SDHB: variants seen among roughly 807,000 people sequenced by gnomAD.
The protein encoded by SDHB is succinate dehydrogenase [ubiquinone] iron-sulfur subunit, mitochondrial.
Under a neutral mutation model 39.7 loss-of-function variants are expected in SDHB, and 21 were observed. The ratio of observed to expected loss-of-function variants is 0.53; its 90% CI spans 0.37 to 0.76. The LOEUF is 0.76. Ranked by LOEUF, SDHB falls within the 30% of genes least tolerant of loss-of-function variation. SDHB has a pLI of 0.00. For missense variants in SDHB, 343 were observed against 350.9 expected, an observed-to-expected ratio of 0.98 and a Z score of 0.18; for synonymous variants, 118 against 117.0, an observed-to-expected ratio of 1.01 and a Z score of -0.06.
At position 17,027,839 on chromosome 1, in the gene SDHB, G is replaced by A; in HGVS notation, c.450C>T (p.Tyr150=). ...TCTTCAAATAAGGCTCAATGGATTT[G>A]TACTGTGCATAGAAGTTGCTCAAAT... ...VPDLSNFYAQ[Y]KSIEPYLKKK... Residue 150 remains tyrosine, a synonymous_variant, in exon 5 of 8, where the codon TAC becomes TAT. Coordinates refer to ENST00000375499, the MANE Select transcript of SDHB (RefSeq NM_003000.3). The A allele has an allele frequency of 6.2e-7, 1 of 1,611,552 alleles. No individual in the cohort carries two copies. The highest frequency in any genetic ancestry group is 1.1e-5 in the South Asian group (1 of 91,030).
At chr1:17,023,451 G>A (rs1229003632) in intron 6 of SDHB, among the ~76,000 whole-genome samples, 3 of 152,226 alleles carry the variant, frequency 2.0e-5, no homozygotes, top group Non-Finnish European at 4.4e-5. Context: ...TAGAGTCTGT[G>A]AAAAGCACGT....
intron 1 of SDHB, among the ~76,000 whole-genome samples, chr1:17,050,417 G>C (rs1358883426): frequency 6.6e-6 from 1 of 152,070 alleles, no homozygotes; most frequent in Non-Finnish European, 1.5e-5. Context: ...GGGAGGCCGA[G>C]GCAGGTGGAT....
intron 6 of SDHB, 41 bp from the exon 7 acceptor site, chr1:17,022,771 G>A (rs2101514130): frequency 6.3e-7 from 1 of 1,598,334 alleles, no homozygotes; most frequent in Non-Finnish European, 8.5e-7. Flanking sequence ...CCAATCAACA[G>A]GCCAGAGCGG....
Position 17,028,725 on chromosome 1 carries a change from AG to A in SDHB, c.297del (p.Ser100LeufsTer4). 2 of 1,614,078 alleles carry A rather than the reference AG, an allele frequency of 1.2e-6. No individual in the cohort carries two copies. Among genetic ancestry groups the A allele is most frequent in the Non-Finnish European group, 1.7e-6 (2 of 1,180,030 alleles). ...FRRSCREGIC[G>X]SCAMNINGGN... ...CCTCCATTGATGTTCATTGCACAAG[AG>A]CCACAGATGCCTGAAAGAGACACAC... On this transcript the variant is annotated frameshift_variant, in exon 4 of 8. Coordinates refer to ENST00000375499, the MANE Select transcript of SDHB (RefSeq NM_003000.3). LOFTEE classifies it high-confidence loss of function.
chr1:17,051,700 G>A (rs1270341307), intron 1 of SDHB, among the ~76,000 whole-genome samples: 3 of 150,762 alleles, frequency 2.0e-5, no homozygotes, highest in East Asian at 2.0e-4. Context: ...ACCCGGGGGA[G>A]GGGGGGTCAA....
At chr1:17,033,383 G>T (rs1276266116) in intron 2 of SDHB, among the ~76,000 whole-genome samples, 11 of 152,186 alleles carry the variant, frequency 7.2e-5, no homozygotes, top group Non-Finnish European at 1.2e-4. Flanking sequence ...TAAAGTAGTA[G>T]TAGACAAGTA....
chr1:17,022,741 AG>A lies in SDHB; in HGVS notation c.643-12del. The stretch of plus-strand genomic sequence containing the variant: ...CATCCAGCGATAGGCCTGGAAAACC[AG>A]GGATGATTAGCTGAGCTGCCAATCA... On this transcript the variant is annotated splice_polypyrimidine_tract_variant and intron_variant, in intron 6 of 7. Transcript: ENST00000375499. 2 of 1,612,184 alleles carry A rather than the reference AG, an allele frequency of 1.2e-6. No homozygotes were observed. Among genetic ancestry groups the A allele is most frequent in the South Asian group, 2.2e-5 (2 of 90,880 alleles).
At position 17,018,915 on chromosome 1, in the gene SDHB, A is replaced by G. The variant is rs1557738263; in HGVS notation, c.809T>C (p.Met270Thr). The G allele has an allele frequency of 6.2e-7, 1 of 1,613,326 alleles. No homozygotes were observed. The highest frequency in any genetic ancestry group is 8.5e-7 in the Non-Finnish European group (1 of 1,179,542). The change falls in exon 8 of 8, where the codon ATG becomes ACG. Residue 270 changes from methionine (M) to threonine (T), a missense_variant. Transcript: ENST00000375499. ...GKAIAEIKKMMATYKEKKASV is the reference protein window; with the variant it reads ...GKAIAEIKKMTATYKEKKASV ...AGCTTTCTTCTCCTTATAGGTTGCC[A>G]TCATTTTCTTGATCTCTGCAATAGC... is the stretch of plus-strand genomic sequence containing the variant.
intron 5 of SDHB, among the ~76,000 whole-genome samples, chr1:17,027,354 C>T (rs2077996449): frequency 6.6e-6 from 1 of 152,236 alleles, no homozygotes; most frequent in South Asian, 2.1e-4. Flanking sequence ...ATTTCACTCC[C>T]ATTTGTAAAG....
chr1:17,034,379 A>T (rs915294516), intron 2 of SDHB, among the ~76,000 whole-genome samples: 7 of 151,226 alleles, frequency 4.6e-5, no homozygotes, highest in African/African-American at 1.7e-4. Context: ...TAACTCCTGG[A>T]CTCAAGTGAT....
rs2078004482 is a variant in SDHB, at chr1:17,028,627, G to T, written c.396C>A (p.His132Gln). Reference protein sequence around the residue: ...NKVSKIYPLPHMYVIKDLVPD... With the variant: ...NKVSKIYPLPQMYVIKDLVPD... ...GAACAAGATCCTTTATCACATACAT[G>T]TGTGGAAGAGGGTAGATTTTTGAGA... Residue 132 changes from histidine (H) to glutamine (Q), a missense_variant, in exon 4 of 8, where the codon CAC becomes CAA. Transcript: ENST00000375499. 6.2e-7 allele frequency: 1 copy of T among 1,614,070 alleles called. No homozygotes were observed. The highest frequency in any genetic ancestry group is 8.5e-7 in the Non-Finnish European group (1 of 1,180,022).
intron 3 of SDHB, among the ~76,000 whole-genome samples, chr1:17,030,028 CCT>C (rs1416915761): frequency 6.6e-5 from 10 of 152,074 alleles, no homozygotes; most frequent in East Asian, 1.9e-4. Flanking sequence ...ATGGTAACCC[CCT>C]GTCTCTACTA....
At chr1:17,025,501 T>C (rs559185980) in intron 5 of SDHB, among the ~76,000 whole-genome samples, 1 of 152,068 alleles carries the variant, frequency 6.6e-6, no homozygotes, top group South Asian at 2.1e-4. Context: ...CCTGGAACTC[T>C]TGTGCTCAAG....
At chr1:17,048,289 G>A (rs1405292949) in intron 1 of SDHB, among the ~76,000 whole-genome samples, 1 of 152,186 alleles carries the variant, frequency 6.6e-6, no homozygotes, top group Admixed American at 6.6e-5. Context: ...ATTCTCCGGA[G>A]ATTCATCCAA....
At chr1:17,024,659 T>C (rs2101517570) in intron 5 of SDHB, among the ~76,000 whole-genome samples, 1 of 152,232 alleles carries the variant, frequency 6.6e-6, no homozygotes, top group South Asian at 2.1e-4. Flanking sequence ...GGAGAGTGAG[T>C]TAGGCCATGT....
chr1:17,022,794 A>G, intron 6 of SDHB, 64 bp from the exon 7 acceptor site: 1 of 1,574,888 alleles, frequency 6.3e-7, no homozygotes, highest in African/African-American at 1.3e-5. Flanking sequence ...CCCTGGCTCA[A>G]CTCAAAGCTC....
At chr1:17,032,958 A>AT (rs2078031356) in intron 3 of SDHB, 102 bp downstream of exon 3, 2 of 854,050 alleles carry the variant, frequency 2.3e-6, no homozygotes, top group Admixed American at 3.7e-5. Flanking sequence ...CACCCAGCAG[A>AT]GAGCTGCAGC....
chr1:17,032,950 C>A, intron 3 of SDHB, 110 bp downstream of exon 3: 1 of 820,654 alleles, frequency 1.2e-6, no homozygotes, highest in South Asian at 1.4e-5. Context: ...AGCAAGTTCA[C>A]CCAGCAGAGA....
At chr1:17,022,157 C>G (rs141072227) in intron 7 of SDHB, among the ~76,000 whole-genome samples, 87 of 152,292 alleles carry the variant, frequency 5.7e-4, no homozygotes, top group Non-Finnish European at 9.6e-4. Context: ...GGAACGAAAG[C>G]CAGAGCTTTG....
Sources: allele counts gnomAD v4.1 joint callset (sites outside exome capture counted in the v4.1 genomes callset), GRCh38; gene constraint gnomAD v4.1.1; transcripts MANE v1.5; gene names NCBI Gene and HGNC (gene_info 2026-07-23, HGNC 2026-07-21).